Variants in FAAH2 observed in about 807,000 individuals in gnomAD.
FAAH2 encodes fatty-acid amide hydrolase 2.
A neutral mutation model predicts 36.9 loss-of-function variants in FAAH2; 60 were observed. The observed-to-expected ratio is 1.63, with a 90% CI of 1.32 to 2.02. FAAH2 has a LOEUF of 2.02. FAAH2 is among the 30% of genes most tolerant of loss of function. The probability of loss-of-function intolerance (pLI) is 0.00; values close to 1 mark genes in which losing one functional copy is unlikely to be tolerated. For synonymous variants in FAAH2, 214 were observed against 143.8 expected (o/e 1.49, Z -3.49); for missense variants, 689 against 397.5 (o/e 1.73, Z -6.23).
chrX:57,478,129 C>T (rs996135669), intron 10 of FAAH2, among the ~76,000 whole-genome samples: 4 of 111,611 alleles, frequency 3.6e-5, no homozygotes, highest in African/African-American at 6.5e-5. Context: ...TTCCTATTTC[C>T]CCACATCCTC....
chrX:57,195,075 G>T, the FAAH2 span, among the ~76,000 whole-genome samples: 1 of 111,026 alleles, frequency 9.0e-6, no homozygotes, highest in Non-Finnish European at 1.9e-5. Flanking sequence ...CTATAAACAT[G>T]CATGTGCAAG....
chrX:57,293,850 G>T (rs1414320053), intron 2 of FAAH2, among the ~76,000 whole-genome samples: 1 of 110,609 alleles, frequency 9.0e-6, no homozygotes, highest in Non-Finnish European at 1.9e-5. Context: ...TGGGTAAATG[G>T]GGGGAGCATG....
intron 8 of FAAH2, among the ~76,000 whole-genome samples, chrX:57,432,524 A>G (rs772905723): frequency 8.9e-6 from 1 of 111,767 alleles, no homozygotes; most frequent in African/African-American, 3.2e-5. Flanking sequence ...ATACATGTAC[A>G]GAGCTATCTG....
the FAAH2 span, among the ~76,000 whole-genome samples, chrX:57,231,034 A>AGTGTGTGTGTGTGTGTGT: frequency 3.8e-3 from 355 of 94,447 alleles, no homozygotes; most frequent in Middle Eastern, 0.011. Flanking sequence ...CTCCAAAGGA[A>AGTGTGTGTGTGTGTGTGT]GTGTGTGTGT....
intron 2 of FAAH2, among the ~76,000 whole-genome samples, chrX:57,309,719 T>C (rs954516615): frequency 9.0e-6 from 1 of 111,440 alleles, no homozygotes; most frequent in Non-Finnish European, 1.9e-5. Flanking sequence ...GGTTTTCTAT[T>C]CCTGCATTAG....
intron 6 of FAAH2, among the ~76,000 whole-genome samples, chrX:57,380,058 G>A (rs751610955): frequency 2.5e-4 from 28 of 110,536 alleles, no homozygotes; most frequent in Non-Finnish European, 4.7e-4. Context: ...CATAATAATC[G>A]CTTCATGGAA....
At chrX:57,296,794 C>A (rs1051002640) in intron 2 of FAAH2, among the ~76,000 whole-genome samples, 1 of 111,832 alleles carries the variant, frequency 8.9e-6, no homozygotes, top group Non-Finnish European at 1.9e-5. Context: ...AGCACCAGAA[C>A]TACATGATGA....
At chrX:57,473,954 TG>T (rs2057216391) in intron 10 of FAAH2, among the ~76,000 whole-genome samples, 1 of 111,348 alleles carries the variant, frequency 9.0e-6, no homozygotes, top group Non-Finnish European at 1.9e-5. Flanking sequence ...GGTCTTATTT[TG>T]TGACTCTGTA....
chrX:57,358,007 A>G (rs939129816), intron 5 of FAAH2, among the ~76,000 whole-genome samples: 4 of 111,296 alleles, frequency 3.6e-5, no homozygotes, highest in African/African-American at 6.5e-5. Context: ...ATGCAGCCAT[A>G]AAAAAAGGAT....
intron 10 of FAAH2, chrX:57,452,448 C>T (rs2056801845): frequency 2.8e-6 from 1 of 363,045 alleles, no homozygotes; most frequent in African/African-American, 2.8e-5. Flanking sequence ...GGCTTGGTCA[C>T]CTCCCCAATT....
the FAAH2 span, among the ~76,000 whole-genome samples, chrX:57,199,927 A>T: frequency 1.8e-5 from 2 of 111,430 alleles, 1 homozygote; most frequent in South Asian, 7.5e-4. Flanking sequence ...TTTAAGTTTT[A>T]ATTAATATCG....
chrX:57,435,383 T>C (rs1477655763), intron 8 of FAAH2, among the ~76,000 whole-genome samples: 2 of 111,189 alleles, frequency 1.8e-5, no homozygotes, highest in Non-Finnish European at 3.8e-5. Flanking sequence ...TTAAGTACTC[T>C]TCTAAAGAGA....
intron 7 of FAAH2, among the ~76,000 whole-genome samples, chrX:57,410,735 T>A (rs1335726200): frequency 1.8e-5 from 2 of 111,940 alleles, no homozygotes; most frequent in African/African-American, 6.5e-5. Context: ...TATCTCTTTA[T>A]TGTATTCTGC....
chrX:57,460,367 A>G (rs781438015), intron 10 of FAAH2, among the ~76,000 whole-genome samples: 5 of 111,499 alleles, frequency 4.5e-5, no homozygotes, highest in Non-Finnish European at 7.5e-5. Context: ...CAGATTCTCC[A>G]AAGTTGAAAG....
chrX:57,135,578 C>A, the FAAH2 span: 2,096 of 545,684 alleles, frequency 3.8e-3, 29 homozygotes, highest in African/African-American at 0.045. Flanking sequence ...GACAGCTGTT[C>A]GTTCCTTCCA....
At chrX:57,165,192 A>G in the FAAH2 span, among the ~76,000 whole-genome samples, 3 of 112,148 alleles carry the variant, frequency 2.7e-5, no homozygotes, top group African/African-American at 9.7e-5. Context: ...ATTACTGGGT[A>G]TATACCCAAA....
intron 3 of FAAH2, among the ~76,000 whole-genome samples, chrX:57,326,979 G>T: frequency 9.7e-6 from 1 of 103,360 alleles, no homozygotes; most frequent in Non-Finnish European, 2.0e-5. Flanking sequence ...GGCTGGTATC[G>T]GTTGTTCCTT....
intron 10 of FAAH2, among the ~76,000 whole-genome samples, chrX:57,485,750 A>G (rs1445713727): frequency 8.9e-6 from 1 of 111,762 alleles, no homozygotes; most frequent in Non-Finnish European, 1.9e-5. Context: ...AGGGTCCATA[A>G]TTAGAGGTTT....
intron 7 of FAAH2, among the ~76,000 whole-genome samples, chrX:57,410,631 TG>T (rs1175609319): frequency 2.7e-5 from 3 of 111,635 alleles, no homozygotes; most frequent in Non-Finnish European, 5.7e-5. Context: ...CTTTGTCTCT[TG>T]TGGGCCTTAT....
Sources: allele counts gnomAD v4.1 joint callset (sites outside exome capture counted in the v4.1 genomes callset), GRCh38; gene constraint gnomAD v4.1.1; transcripts MANE v1.5; gene names NCBI Gene and HGNC (gene_info 2026-07-23, HGNC 2026-07-21).